Variants in REEP3 observed in about 807,000 individuals in gnomAD.
REEP3 encodes the protein receptor expression-enhancing protein 3.
REEP3 carries 20 observed loss-of-function variants against 41.3 expected under a neutral mutation model. The ratio of observed to expected loss-of-function variants is 0.48; its 90% CI spans 0.34 to 0.70. REEP3 has a LOEUF of 0.70. Among genes scored for constraint, REEP3 ranks in the 30% least tolerant of loss-of-function variants. The probability of loss-of-function intolerance (pLI) is 0.01; values close to 1 mark genes in which losing one functional copy is unlikely to be tolerated. For synonymous variants in REEP3, 104 were observed against 101.8 expected, an observed-to-expected ratio of 1.02 and a Z score of -0.13; for missense variants, 271 against 308.8, an observed-to-expected ratio of 0.88 and a Z score of 0.92.
chr10:63,617,428 T>C (rs958069796), intron 6 of REEP3, among the ~76,000 whole-genome samples: 10 of 152,158 alleles, frequency 6.6e-5, no homozygotes, highest in Non-Finnish European at 1.3e-4. Context: ...TTTTAATATG[T>C]ATATTTTTTG....
chr10:63,551,935 G>A (rs1261708531), intron 1 of REEP3, among the ~76,000 whole-genome samples: 1 of 152,102 alleles, frequency 6.6e-6, no homozygotes, highest in East Asian at 1.9e-4. Flanking sequence ...AATCAGTTGT[G>A]GAGTTTATGG....
intron 6 of REEP3, 41 bp from the exon 7 acceptor site, chr10:63,619,614 G>A: frequency 6.4e-7 from 1 of 1,566,076 alleles, no homozygotes; most frequent in Admixed American, 1.9e-5. Context: ...GCTGACTGGT[G>A]TCCTTTTACC....
intron 6 of REEP3, 103 bp downstream of exon 6, chr10:63,610,437 G>C: frequency 8.8e-7 from 1 of 1,141,786 alleles, no homozygotes; most frequent in African/African-American, 1.6e-5. Flanking sequence ...GAGAGGGAGA[G>C]CATTAGGACA....
At chr10:63,612,360 C>A (rs1956282958) in intron 6 of REEP3, among the ~76,000 whole-genome samples, 1 of 151,914 alleles carries the variant, frequency 6.6e-6, no homozygotes, top group Admixed American at 6.6e-5. Context: ...TTTGTAGAGA[C>A]GGGGCTTCAC....
At chr10:63,608,853 C>T (rs957718898) in intron 5 of REEP3, among the ~76,000 whole-genome samples, 1 of 152,132 alleles carries the variant, frequency 6.6e-6, no homozygotes. Context: ...CCACACACAG[C>T]TATTGAACAT....
chr10:63,559,033 A>G (rs1386570329), intron 1 of REEP3, among the ~76,000 whole-genome samples: 1 of 152,212 alleles, frequency 6.6e-6, no homozygotes. Context: ...TGATTCTGAA[A>G]GCCATGAAAT....
At chr10:63,554,579 C>T (rs1828698968) in intron 1 of REEP3, among the ~76,000 whole-genome samples, 2 of 152,194 alleles carry the variant, frequency 1.3e-5, no homozygotes, top group Non-Finnish European at 2.9e-5. Context: ...TTGGCTTTAA[C>T]ACTTGCTATG....
chr10:63,535,961 G>A (rs1955470264), intron 1 of REEP3, among the ~76,000 whole-genome samples: 2 of 152,136 alleles, frequency 1.3e-5, no homozygotes, highest in African/African-American at 4.8e-5. Context: ...AACCATAGAG[G>A]AAGCAACAGA....
At chr10:63,527,708 A>T (rs1266833502) in intron 1 of REEP3, among the ~76,000 whole-genome samples, 1 of 152,052 alleles carries the variant, frequency 6.6e-6, no homozygotes, top group East Asian at 1.9e-4. Context: ...AATTTTTTTA[A>T]AAAAAGGATA....
At chr10:63,584,005 T>C (rs1345285843) in intron 2 of REEP3, among the ~76,000 whole-genome samples, 1 of 152,180 alleles carries the variant, frequency 6.6e-6, no homozygotes, top group East Asian at 1.9e-4. Flanking sequence ...ATCTGTACTT[T>C]CCCATCTCTC....
At chr10:63,596,414 A>T (rs550925917) in intron 3 of REEP3, among the ~76,000 whole-genome samples, 3 of 151,656 alleles carry the variant, frequency 2.0e-5, no homozygotes, top group Admixed American at 2.0e-4. Context: ...AAAATGAACG[A>T]TGTAGAAAAT....
In REEP3 at chr10:63,534,934, T is replaced by C. The variant is rs558292427; in HGVS notation, c.32+13357T>C. ...AAAGCAGTCAGTTTTTCCTTTGAGG[T>C]CTAAAATTATGCTCTCCCACTGCAA... On this transcript the variant is annotated intron_variant, in intron 1 of 7. Coordinates refer to ENST00000373758, the MANE Select transcript of REEP3 (RefSeq NM_001001330.3). Among the ~76,000 whole-genome samples, 9 of 152,278 alleles carry C rather than the reference T, an allele frequency of 5.9e-5. No individual in the cohort carries two copies. In the South Asian group the frequency reaches 1.9e-3, roughly 32 times the overall value.
chr10:63,598,074 C>T lies in REEP3; in HGVS notation c.233C>T (p.Ser78Phe), dbSNP rs1447965684. 3 of 1,604,794 alleles carry T rather than the reference C, an allele frequency of 1.9e-6. No individual in the cohort carries two copies. The South Asian group carries it at 3.3e-5, about 18-fold the overall frequency. Residue 78 changes from serine (S) to phenylalanine (F), a missense_variant, in exon 4 of 8, where the codon TCT (serine) becomes TTT (phenylalanine). By Grantham distance (155) the Ser-to-Phe change is radical. Coordinates refer to ENST00000373758, the MANE Select transcript of REEP3 (RefSeq NM_001001330.3). The part of the protein sequence containing the change: ...LKIAFVIWLL[S>F]PYTKGASLIY... ...ATTGCTTTTGTCATATGGCTGCTTT[C>T]TCCCTATACCAAAGGAGCAAGTTTA...
chr10:63,620,217 GC>G (rs1956343365), intron 7 of REEP3, among the ~76,000 whole-genome samples: 1 of 152,100 alleles, frequency 6.6e-6, no homozygotes, highest in Non-Finnish European at 1.5e-5. Flanking sequence ...CCAGGCGTGA[GC>G]CACCTCACCT....
At chr10:63,607,268 C>T (rs1372109984) in intron 5 of REEP3, among the ~76,000 whole-genome samples, 1 of 152,180 alleles carries the variant, frequency 6.6e-6, no homozygotes, top group African/African-American at 2.4e-5. Flanking sequence ...TGGAGGTTCT[C>T]AAAGAGGGCT....
intron 2 of REEP3, among the ~76,000 whole-genome samples, chr10:63,582,543 CATCTT>C (rs1955964400): frequency 6.6e-6 from 1 of 152,084 alleles, no homozygotes; most frequent in African/African-American, 2.4e-5. Flanking sequence ...ATTTTAGAAA[CATCTT>C]ATGTAAATTG....
rs928614961 is a variant in REEP3, at chr10:63,579,044, G to GA, written c.105+12634_105+12635insA. 4.1e-5 allele frequency among the ~76,000 whole-genome samples: 6 copies of GA among 147,100 alleles called. 1 individual carries two copies. Among genetic ancestry groups the GA allele is most frequent in the Admixed American group, 6.8e-5 (1 of 14,804 alleles). On this transcript the variant is annotated intron_variant, in intron 2 of 7. Coordinates refer to ENST00000373758, the MANE Select transcript of REEP3 (RefSeq NM_001001330.3). The stretch of plus-strand genomic sequence containing the variant: ...TTCTTCACTATGTGTTTTTTTTTGG[G>GA]GGGGGGGAGATGGAGTCTCTCTCTG...
chr10:63,546,442 A>C (rs1955579158), intron 1 of REEP3, among the ~76,000 whole-genome samples: 1 of 152,210 alleles, frequency 6.6e-6, no homozygotes, highest in Non-Finnish European at 1.5e-5. Context: ...TGAAGTAGGG[A>C]GTAAGTATAC....
Position 63,623,381 on chromosome 10 carries a change from C to T in REEP3, c.*2512C>T, listed in dbSNP as rs1054518023. ...AGGTAGAACAGATCTTTTTTTGTTT[C>T]TCCTTTTAAGTCTACTGGTTTTAAA... is the stretch of plus-strand genomic sequence containing the variant. On this transcript the variant is annotated 3_prime_UTR_variant, in exon 8 of 8. Coordinates refer to ENST00000373758, the MANE Select transcript of REEP3 (RefSeq NM_001001330.3). 6.3e-4 allele frequency: 96 copies of T among 151,792 alleles called. No homozygotes were observed. The highest frequency in any genetic ancestry group is 2.3e-3 in the African/African-American group (95 of 41,402). The allele number at this position is 151,792 out of a possible 1,614,324, so 9.4% of individuals were successfully genotyped here.
Sources: gnomAD v4.1 joint callset for allele counts (sites outside exome capture counted in the v4.1 genomes callset) on GRCh38, gnomAD v4.1.1 for gene constraint, MANE v1.5 for transcripts, NCBI Gene and HGNC (gene_info 2026-07-23, HGNC 2026-07-21) for gene names.